The following STYXL1 variants were observed in gnomAD, a reference collection of about 807,000 sequenced individuals.
STYXL1 encodes the protein serine/threonine/tyrosine-interacting-like protein 1.
In STYXL1, 32 loss-of-function variants were observed where a neutral mutation model predicts 36.4. The ratio of observed to expected loss-of-function variants is 0.88; its 90% confidence interval spans 0.66 to 1.18. The LOEUF is 1.18. Among genes scored for constraint, STYXL1 ranks in the 50% most tolerant of loss-of-function variants. STYXL1 has a pLI of 0.00. For synonymous variants in STYXL1, 133 were observed against 144.1 expected, an observed-to-expected ratio of 0.92 and a Z score of 0.55; for missense variants, 354 against 394.1, an observed-to-expected ratio of 0.90 and a Z score of 0.86.
chr7:76,029,230 T>TC (rs1426347608), intron 2 of STYXL1, among the ~76,000 whole-genome samples: 1 of 152,104 alleles, frequency 6.6e-6, no homozygotes, highest in Non-Finnish European at 1.5e-5. Flanking sequence ...CACTGCAATC[T>TC]CCGTCTCCTG....
intron 4 of STYXL1, among the ~76,000 whole-genome samples, chr7:76,018,598 C>T (rs567491892): frequency 6.6e-6 from 1 of 152,274 alleles, no homozygotes; most frequent in African/African-American, 2.4e-5. Context: ...ACCACATTGG[C>T]CAGGCTGGTC....
rs1245502951 is a variant in STYXL1 at position 75,996,405 on chromosome 7, C to G, written c.*63G>C. The G allele has an allele frequency of 6.2e-7, 1 of 1,613,498 alleles. No individual in the cohort carries two copies. The highest frequency in any genetic ancestry group is 1.7e-5 in the Admixed American group (1 of 60,002). On this transcript the variant is annotated 3_prime_UTR_variant, in exon 9 of 9. Coordinates refer to ENST00000359697, the MANE Select transcript of STYXL1 (RefSeq NM_001317785.2). Reference sequence around the variant, plus strand: ...AAGCCTGGGTATACACACTCTGGCCCTCCACCCACAAAATGCCCCCAGGTG... The same window carrying G: ...AAGCCTGGGTATACACACTCTGGCCGTCCACCCACAAAATGCCCCCAGGTG...
intron 4 of STYXL1, among the ~76,000 whole-genome samples, chr7:76,017,105 T>A (rs1277721669): frequency 6.6e-6 from 1 of 152,106 alleles, no homozygotes; most frequent in Non-Finnish European, 1.5e-5. Context: ...CACTGCAACC[T>A]CCACCTCCCT....
intron 4 of STYXL1, among the ~76,000 whole-genome samples, chr7:76,020,863 C>T (rs1051030594): frequency 6.6e-6 from 1 of 152,050 alleles, no homozygotes; most frequent in South Asian, 2.1e-4. Flanking sequence ...TCTGCAGATC[C>T]AAGTAAAGCC....
chr7:75,996,610 A>G lies in STYXL1; in HGVS notation c.811-11T>C, dbSNP rs1419726423. The stretch of plus-strand genomic sequence containing the variant: ...ATAGGCCCAGGACCTCTATGAATAC[A>G]AAGAGAGAAAGTGAACTTCACGATT... On this transcript the variant is annotated splice_polypyrimidine_tract_variant and intron_variant, in intron 8 of 8. Coordinates refer to ENST00000359697, the MANE Select transcript of STYXL1 (RefSeq NM_001317785.2). 1 of 1,613,652 alleles carries G rather than the reference A, an allele frequency of 6.2e-7. No individual in the cohort carries two copies. The highest frequency in any genetic ancestry group is 8.5e-7 in the Non-Finnish European group (1 of 1,179,636).
chr7:76,019,436 A>G (rs1793784507), intron 4 of STYXL1, among the ~76,000 whole-genome samples: 1 of 151,844 alleles, frequency 6.6e-6, no homozygotes, highest in African/African-American at 2.4e-5. Flanking sequence ...AGCTGGTGCT[A>G]CAGGCATGCA....
At chr7:76,042,715 C>T (rs1796598038) in intron 1 of STYXL1, among the ~76,000 whole-genome samples, 1 of 152,026 alleles carries the variant, frequency 6.6e-6, no homozygotes, top group African/African-American at 2.4e-5. Flanking sequence ...CCCTTATGTG[C>T]TTTTCTCCAC....
rs377130350 is a variant in STYXL1 at position 76,005,298 on chromosome 7, A to G, written c.560T>C (p.Ile187Thr). The G allele has an allele frequency of 6.2e-7, 1 of 1,611,416 alleles. No homozygotes were observed. Among genetic ancestry groups the G allele is most frequent in the African/African-American group, 1.3e-5 (1 of 74,880 alleles). Residue 187 changes from isoleucine (I) to threonine (T), a missense_variant, in exon 6 of 9, where the codon ATC becomes ACC. By Grantham distance (89) the Ile-to-Thr change is moderately conservative (BLOSUM62 -1). Coordinates refer to ENST00000359697, the MANE Select transcript of STYXL1 (RefSeq NM_001317785.2). ...CDPKIQKDLKIKAHVNVSMDT... is the reference protein window; with the variant it reads ...CDPKIQKDLKTKAHVNVSMDT... Reference sequence around the variant, plus strand: ...CATGGAGACATTGACATGGGCTTTGATTTTCAAGTCCTTCTGAATCTTGGG... The same window carrying G: ...CATGGAGACATTGACATGGGCTTTGGTTTTCAAGTCCTTCTGAATCTTGGG...
rs1442868622 is a variant in STYXL1 at position 76,047,982 on chromosome 7, C to T, written c.-325G>A. On this transcript the variant is annotated 5_prime_UTR_variant, in exon 1 of 9. Transcript: ENST00000359697. ...TTGCCAGGATGGTCCCACAGCTTTC[C>T]TTTCCGACTCCCGGAAGTGGCCGTG... 1 of 1,484,432 alleles carries T rather than the reference C, an allele frequency of 6.7e-7. No homozygotes were observed. The highest frequency in any genetic ancestry group is 1.4e-5 in the African/African-American group (1 of 71,750). The allele number at this position is 1,484,432 out of a possible 1,614,324, so 92.0% of individuals were successfully genotyped here.
intron 6 of STYXL1, among the ~76,000 whole-genome samples, chr7:76,004,071 G>A (rs1428761752): frequency 6.6e-6 from 1 of 152,108 alleles, no homozygotes; most frequent in African/African-American, 2.4e-5. Flanking sequence ...AGAGATGGGA[G>A]GATCACATAG....
At chr7:76,014,526 A>G (rs1554573310) in intron 4 of STYXL1, among the ~76,000 whole-genome samples, 1 of 150,936 alleles carries the variant, frequency 6.6e-6, no homozygotes, top group African/African-American at 2.4e-5. Flanking sequence ...TAAATTTTGT[A>G]TTGTTTTGTA....
chr7:76,047,252 G>A (rs1399506693), intron 1 of STYXL1, among the ~76,000 whole-genome samples: 1 of 152,036 alleles, frequency 6.6e-6, no homozygotes, highest in Admixed American at 6.5e-5. Flanking sequence ...GAGAGACTCC[G>A]TCTCAAAAAA....
At chr7:76,016,153 G>A (rs1488707435) in intron 4 of STYXL1, among the ~76,000 whole-genome samples, 1 of 151,520 alleles carries the variant, frequency 6.6e-6, no homozygotes, top group Non-Finnish European at 1.5e-5. Context: ...TACATGTATA[G>A]ATATAAGTAT....
chr7:76,046,168 C>T (rs546515606), intron 1 of STYXL1, among the ~76,000 whole-genome samples: 18 of 152,102 alleles, frequency 1.2e-4, no homozygotes, highest in Admixed American at 9.2e-4. Context: ...GCCCTAGTGC[C>T]CCTCCTTTGA....
At chr7:76,025,769 C>T (rs1794629247) in intron 3 of STYXL1, among the ~76,000 whole-genome samples, 1 of 151,468 alleles carries the variant, frequency 6.6e-6, no homozygotes, top group African/African-American at 2.4e-5. Context: ...GGCAGACAGA[C>T]AGAGCAAGAT....
At chr7:76,042,694 A>G (rs1796596313) in intron 1 of STYXL1, among the ~76,000 whole-genome samples, 1 of 151,906 alleles carries the variant, frequency 6.6e-6, no homozygotes, top group Non-Finnish European at 1.5e-5. Context: ...GTCATGAGCC[A>G]CTGCAGCCGG....
chr7:76,003,013 C>T (rs1192854889), intron 7 of STYXL1, among the ~76,000 whole-genome samples: 2 of 152,210 alleles, frequency 1.3e-5, no homozygotes, highest in Admixed American at 6.5e-5. Context: ...GCTGTTGGTG[C>T]CAGACAGGCA....
chr7:75,996,690 T>C (rs1790176288), intron 8 of STYXL1, 91 bp from the exon 9 acceptor site: 1 of 1,282,224 alleles, frequency 7.8e-7, no homozygotes. Context: ...CAGGAGGCAC[T>C]TGCACAGTGC....
chr7:76,013,771 G>A lies in STYXL1; in HGVS notation c.424C>T (p.Arg142Trp), dbSNP rs373949822. Reference protein sequence around the residue: ...ERFSGTYHFLRTQKIIWMPQE... With the variant: ...ERFSGTYHFLWTQKIIWMPQE... ...GGCATCCAGATGATCTTCTGGGTCCGGAGAAAGTGGTACGTGCCTGAGAAG... is the reference window on the plus strand; with the variant it reads ...GGCATCCAGATGATCTTCTGGGTCCAGAGAAAGTGGTACGTGCCTGAGAAG... The change falls in exon 5 of 9, where the codon CGG becomes TGG. Residue 142 changes from arginine to tryptophan, a missense_variant. Coordinates refer to ENST00000359697, the MANE Select transcript of STYXL1 (RefSeq NM_001317785.2). The A allele has an allele frequency of 1.7e-5, 28 of 1,613,842 alleles. No individual in the cohort carries two copies. In the East Asian group the frequency reaches 2.5e-4, roughly 14 times the overall value.
Sources: gnomAD v4.1 joint callset for allele counts (sites outside exome capture counted in the v4.1 genomes callset) on GRCh38, gnomAD v4.1.1 for gene constraint, MANE v1.5 for transcripts, NCBI Gene and HGNC (gene_info 2026-07-23, HGNC 2026-07-21) for gene names.